The following ZBTB7A variants were observed in gnomAD, a reference collection of about 807,000 sequenced individuals.
ZBTB7A encodes zinc finger and BTB domain containing 7A.
Under a neutral mutation model 26.7 loss-of-function variants are expected in ZBTB7A, and 7 were observed. The observed-to-expected ratio is 0.26, with a 90% CI of 0.15 to 0.49. ZBTB7A has a LOEUF of 0.49. Among genes scored for constraint, ZBTB7A ranks in the 20% least tolerant of loss-of-function variants. The pLI is 0.98. For synonymous variants in ZBTB7A, 452 were observed against 441.0 expected (o/e 1.02, Z -0.31); for missense variants, 617 against 919.5 (o/e 0.67, Z 4.25).
rs982531639 is a variant in ZBTB7A, at chr19:4,066,707, G to A, written c.-41C>T. On this transcript the variant is annotated 5_prime_UTR_variant, in exon 1 of 3. Transcript: ENST00000322357. ...CTCGCGGGGCCGGGCCGGGGCGCGC[G>A]GGGCCGGGGCCCGAAGTTGGGACTG... The A allele has an allele frequency of 5.3e-5, 8 of 151,236 alleles. No individual in the cohort carries two copies. Among genetic ancestry groups the A allele is most frequent in the African/African-American group, 1.7e-4 (7 of 41,338 alleles). 9.4% of individuals were successfully genotyped at this position (151,236 alleles called of 1,614,324 possible). A position where few individuals can be genotyped will look rare whatever the true frequency, so the allele number is the denominator to read the frequency against.
intron 1 of ZBTB7A, among the ~76,000 whole-genome samples, chr19:4,065,952 C>T (rs1599266477): frequency 6.9e-6 from 1 of 145,022 alleles, no homozygotes; most frequent in East Asian, 2.1e-4. Flanking sequence ...GCGATCGGCC[C>T]GCGCCCATTG....
intron 1 of ZBTB7A, among the ~76,000 whole-genome samples, chr19:4,056,662 G>A (rs2040581537): frequency 6.6e-6 from 1 of 152,166 alleles, no homozygotes; most frequent in Non-Finnish European, 1.5e-5. Context: ...CAGGTCAGGA[G>A]ATCGAGACCA....
intron 2 of ZBTB7A, among the ~76,000 whole-genome samples, chr19:4,051,912 G>T (rs1049221265): frequency 6.6e-6 from 1 of 152,050 alleles, no homozygotes; most frequent in Non-Finnish European, 1.5e-5. Context: ...CCCAGCCTGG[G>T]TAATTATAGC....
At chr19:4,066,307 T>A (rs1048076461) in intron 1 of ZBTB7A, among the ~76,000 whole-genome samples, 19 of 147,344 alleles carry the variant, frequency 1.3e-4, no homozygotes, top group Non-Finnish European at 2.9e-4. Context: ...GCTGGAAACT[T>A]AGCAGGCGAC....
chr19:4,056,717 A>C (rs765027376), intron 1 of ZBTB7A, among the ~76,000 whole-genome samples: 1 of 152,092 alleles, frequency 6.6e-6, no homozygotes, highest in Non-Finnish European at 1.5e-5. Flanking sequence ...AAAATACAAA[A>C]ATAGATGGGC....
intron 1 of ZBTB7A, among the ~76,000 whole-genome samples, chr19:4,058,349 G>A (rs1261630167): frequency 6.6e-6 from 1 of 152,244 alleles, no homozygotes. Flanking sequence ...CCCTCTCTGG[G>A]CCTCAGTCTC....
At chr19:4,049,168 G>GTGTATA (rs1403864466) in intron 2 of ZBTB7A, among the ~76,000 whole-genome samples, 7 of 14,956 alleles carry the variant, frequency 4.7e-4, no homozygotes, top group Admixed American at 1.1e-3. Context: ...GTGTGTGTGT[G>GTGTATA]TATATATATA....
In ZBTB7A at chr19:4,053,956, C is replaced by G. The variant is rs2040537781; in HGVS notation, c.1262+15G>C. The G allele has an allele frequency of 6.3e-7, 1 of 1,579,978 alleles. No homozygotes were observed. Among genetic ancestry groups the G allele is most frequent in the East Asian group, 2.2e-5 (1 of 44,620 alleles). ...AGAGAGCAGGACGGCGCCTCCCCCG[C>G]GGCGGGCAGCTCACCTGGTGAAGCG... On this transcript the variant is annotated intron_variant, in intron 2 of 2. Transcript: ENST00000322357.
In ZBTB7A at chr19:4,044,323, C is replaced by T. The variant is rs1447694745; in HGVS notation, c.*3429G>A. The T allele has an allele frequency of 1.3e-5, 2 of 152,052 alleles. No homozygotes were observed. The highest frequency in any genetic ancestry group is 4.8e-5 in the African/African-American group (2 of 41,362). 9.4% of individuals were successfully genotyped at this position (152,052 alleles called of 1,614,324 possible). On this transcript the variant is annotated 3_prime_UTR_variant, in exon 3 of 3. Transcript: ENST00000322357. ...ACACCCATGCCAGGCCGGGCCTGCTCCGGCATTTTACATTCACTGGTTTAT... is the reference window on the plus strand; with the variant it reads ...ACACCCATGCCAGGCCGGGCCTGCTTCGGCATTTTACATTCACTGGTTTAT...
In ZBTB7A at chr19:4,054,701, C is replaced by T. The variant is rs1185650892; in HGVS notation, c.532G>A (p.Ala178Thr). Residue 178 changes from alanine to threonine, a missense_variant, in exon 2 of 3, where the codon GCC becomes ACC. Physicochemically the swap from Ala to Thr is moderately conservative, Grantham distance 58 (BLOSUM62 0). Around this residue, in one of 5 missense-constraint regions of ZBTB7A, gnomAD observed 331 missense variants for 391.3 expected, o/e 0.85. Transcript: ENST00000322357. ...PMNSLPPAAA[A>T]AAASFPWSAF... ...GACCACGGGAAGCTGGCAGCGGCGGCGGCGGCCGCGGGGGGCAGGCTGTTC... is the reference window on the plus strand; with the variant it reads ...GACCACGGGAAGCTGGCAGCGGCGGTGGCGGCCGCGGGGGGCAGGCTGTTC... 4 of 1,579,514 alleles carry T rather than the reference C, an allele frequency of 2.5e-6. No individual in the cohort carries two copies. The highest frequency in any genetic ancestry group is 4.7e-5 in the East Asian group (2 of 42,890).
intron 1 of ZBTB7A, chr19:4,065,838 G>C (rs2040690475): frequency 7.0e-6 from 1 of 142,650 alleles, no homozygotes; most frequent in South Asian, 2.1e-4. Flanking sequence ...CCGGCCCGCG[G>C]GCCGCGCAGC....
chr19:4,054,602 CG>C lies in ZBTB7A; in HGVS notation c.630del (p.Ala211ArgfsTer7). The C allele has an allele frequency of 6.3e-7, 1 of 1,578,834 alleles. No homozygotes were observed. The highest frequency in any genetic ancestry group is 8.6e-7 in the Non-Finnish European group (1 of 1,167,910). ...EAVAAAVAAV[A>X]AGDCNGLDFY... is the part of the protein sequence containing the mutation. ...AAGTCTAAGCCGTTGCAGTCGCCCG[CG>C]GCCACGGCGGCCACAGCGGCGGCCA... On this transcript the variant is annotated frameshift_variant, in exon 2 of 3. Coordinates refer to ENST00000322357, the MANE Select transcript of ZBTB7A (RefSeq NM_015898.4). LOFTEE classifies it high-confidence loss of function.
chr19:4,045,849 C>A lies in ZBTB7A; in HGVS notation c.*1903G>T, dbSNP rs1380000561. On this transcript the variant is annotated 3_prime_UTR_variant, in exon 3 of 3. Transcript: ENST00000322357. This position sits in a 1 kb window ranked among gnomAD's most constrained non-coding sequence, Gnocchi z 4.1. ...GCCAGAGGTTGGGGGGAGGCAGGTC[C>A]CAGTCCCCCTGGATTACAGTCAGTG... 5.0e-6 allele frequency: 2 copies of A among 398,672 alleles called. No individual in the cohort carries two copies. The highest frequency in any genetic ancestry group is 4.1e-5 in the African/African-American group (2 of 48,596). The allele number at this position is 398,672 out of a possible 1,614,324, so 24.7% of individuals were successfully genotyped here. A position where few individuals can be genotyped will look rare whatever the true frequency, so the allele number is the denominator to read the frequency against.
Position 4,044,900 on chromosome 19 carries a change from T to G in ZBTB7A, c.*2852A>C, listed in dbSNP as rs534097541. The G allele has an allele frequency of 6.7e-6, 1 of 148,676 alleles. No individual in the cohort carries two copies. The highest frequency in any genetic ancestry group is 2.4e-5 in the African/African-American group (1 of 40,872). The allele number at this position is 148,676 out of a possible 1,614,324, so 9.2% of individuals were successfully genotyped here. On this transcript the variant is annotated 3_prime_UTR_variant, in exon 3 of 3. Coordinates refer to ENST00000322357, the MANE Select transcript of ZBTB7A (RefSeq NM_015898.4). ...GGCAACACTTTATCACGACCTTAAT[T>G]TAAAGAATAAAAATAAAATCGATTC...
intron 1 of ZBTB7A, among the ~76,000 whole-genome samples, chr19:4,058,476 C>T (rs576020837): frequency 6.6e-6 from 1 of 152,296 alleles, no homozygotes; most frequent in South Asian, 2.1e-4. Flanking sequence ...GTGACTCATC[C>T]ACCCACTCGG....
chr19:4,065,222 G>C (rs1020705145), intron 1 of ZBTB7A, among the ~76,000 whole-genome samples: 1 of 151,422 alleles, frequency 6.6e-6, no homozygotes, highest in African/African-American at 2.4e-5. Context: ...GGACGGCGGG[G>C]ACTGGGGTGC....
rs140938217 is a variant in ZBTB7A, at chr19:4,048,073, G to A, written c.1434C>T (p.Ser478=). The change falls in exon 3 of 3, where the codon TCC becomes TCT. Residue 478 remains serine (S), a synonymous_variant. Coordinates refer to ENST00000322357, the MANE Select transcript of ZBTB7A (RefSeq NM_015898.4). This position sits in a 1 kb window ranked among gnomAD's most constrained non-coding sequence, Gnocchi z 6.7. ...CDSCCKTFVR[S]DHLHRHLKKD... is the part of the protein sequence containing the mutation. ...TCTTGAGGTGTCTGTGCAGGTGGTC[G>A]GAGCGGACGAAGGTCTTGCAGCAGC... 1.6e-5 allele frequency: 25 copies of A among 1,604,214 alleles called. No individual in the cohort carries two copies. The highest frequency in any genetic ancestry group is 6.7e-5 in the African/African-American group (5 of 74,130).
chr19:4,056,417 G>A (rs546265612), intron 1 of ZBTB7A, among the ~76,000 whole-genome samples: 3 of 152,240 alleles, frequency 2.0e-5, no homozygotes, highest in Admixed American at 6.5e-5. Context: ...GAGGGCCCCC[G>A]GGAATGCCTG....
intron 1 of ZBTB7A, among the ~76,000 whole-genome samples, chr19:4,057,461 G>A (rs1393530883): frequency 6.6e-6 from 1 of 152,138 alleles, no homozygotes; most frequent in Non-Finnish European, 1.5e-5. Flanking sequence ...GGCTTCGGCC[G>A]ATACAGAGGG....
Sources: gnomAD v4.1 joint callset for allele counts (sites outside exome capture counted in the v4.1 genomes callset) on GRCh38, gnomAD v4.1.1 for gene constraint, gnomAD v4.1.1 regional missense constraint, Gnocchi (gnomAD v3.1) non-coding constraint, MANE v1.5 for transcripts, NCBI Gene and HGNC (gene_info 2026-07-23, HGNC 2026-07-21) for gene names.